ZIC5: variants seen among roughly 807,000 people sequenced by gnomAD.
The protein encoded by ZIC5 is zinc finger protein ZIC 5.
ZIC5 carries 20 observed loss-of-function variants against 28.5 expected under a neutral mutation model. The ratio of observed to expected loss-of-function variants is 0.70; its 90% confidence interval spans 0.49 to 1.02. The LOEUF (loss-of-function observed/expected upper bound fraction) is 1.02, where lower values mean the gene tolerates loss of function less well. Among genes scored for constraint, ZIC5 ranks in the 50% least tolerant of loss-of-function variants. ZIC5 has a pLI of 0.00. For synonymous variants in ZIC5, 488 were observed against 410.4 expected (o/e 1.19, Z -2.29); for missense variants, 951 against 899.7 (o/e 1.06, Z -0.73).
chr13:99,970,327 A>C lies in ZIC5; in HGVS notation c.1277T>G (p.Val426Gly), dbSNP rs758898757. 1 of 1,610,808 alleles carries C rather than the reference A, an allele frequency of 6.2e-7. No homozygotes were observed. Among genetic ancestry groups the C allele is most frequent in the Non-Finnish European group, 8.5e-7 (1 of 1,178,878 alleles). ...GTGGCTGCTCTGCTCGGGGCCTCCC[A>C]CGTGCTCCACCGTGACGTGATTCAC... ...ELVNHVTVEHVGGPEQSSHVC... is the reference protein window; with the variant it reads ...ELVNHVTVEHGGGPEQSSHVC... Residue 426 changes from valine to glycine, a missense_variant, in exon 1 of 2, where the codon GTG (valine) becomes GGG (glycine). Val to Gly is a moderately radical substitution (Grantham distance 109). Coordinates refer to ENST00000267294, the MANE Select transcript of ZIC5 (RefSeq NM_033132.5).
At position 99,971,266 on chromosome 13, in the gene ZIC5, G is replaced by T. The variant is rs2053156136; in HGVS notation, c.338C>A (p.Pro113His). The change falls in exon 1 of 2, where the codon CCC becomes CAC. Residue 113 changes from proline (P) to histidine (H), a missense_variant. Transcript: ENST00000267294. ...LVAHPGAGSY[P>H]CGGGSSGAQP... The stretch of plus-strand genomic sequence containing the variant: ...CGCGCCACTGCTGCCCCCGCCGCAG[G>T]GGTAGCTGCCCGCGCCGGGGTGCGC... 4 of 1,339,816 alleles carry T rather than the reference G, an allele frequency of 3.0e-6. No individual in the cohort carries two copies. Among genetic ancestry groups the T allele is most frequent in the Non-Finnish European group, 3.8e-6 (4 of 1,054,438 alleles). The allele number at this position is 1,339,816 out of a possible 1,614,324, so 83.0% of individuals were successfully genotyped here. A position where few individuals can be genotyped will look rare whatever the true frequency, so the allele number is the denominator to read the frequency against.
Position 99,970,649 on chromosome 13 carries a change from C to T in ZIC5, c.955G>A (p.Ala319Thr), listed in dbSNP as rs752692151. ...NLNLAAAAAA[A>T]AAGPGPHLQH... ...AGGTGGGGCCCGGGCCCGGCCGCTG[C>T]TGCGGCCGCCGCAGCCGCCAGGTTC... The change falls in exon 1 of 2, where the codon GCA becomes ACA. Residue 319 changes from alanine (A) to threonine (T), a missense_variant. By Grantham distance (58) the Ala-to-Thr change is moderately conservative. Around this residue, in one of 3 missense-constraint regions of ZIC5, gnomAD observed 784 missense variants for 660.1 expected, o/e 1.19. Coordinates refer to ENST00000267294, the MANE Select transcript of ZIC5 (RefSeq NM_033132.5). The T allele has an allele frequency of 1.8e-5, 21 of 1,139,094 alleles. No homozygotes were observed. Among genetic ancestry groups the T allele is most frequent in the Middle Eastern group, 3.9e-4 (1 of 2,548 alleles). 70.6% of individuals were successfully genotyped at this position (1,139,094 alleles called of 1,614,324 possible). A position where few individuals can be genotyped will look rare whatever the true frequency, so the allele number is the denominator to read the frequency against.
At chr13:99,968,467 C>T (rs1368597408) in intron 1 of ZIC5, among the ~76,000 whole-genome samples, 1 of 152,118 alleles carries the variant, frequency 6.6e-6, no homozygotes, top group Admixed American at 6.5e-5. Context: ...GCGCGTGCCC[C>T]GGGAAGCCAC....
At chr13:99,968,960 C>T (rs982906115) in intron 1 of ZIC5, among the ~76,000 whole-genome samples, 1 of 152,250 alleles carries the variant, frequency 6.6e-6, no homozygotes, top group Non-Finnish European at 1.5e-5. Context: ...CGGCGGCTAC[C>T]TCCTGGCCGC....
chr13:99,970,809 C>T lies in ZIC5; in HGVS notation c.795G>A (p.Ala265=), dbSNP rs1028897952. The T allele has an allele frequency of 1.5e-5, 18 of 1,206,894 alleles. No individual in the cohort carries two copies. In the South Asian group the frequency reaches 1.8e-4, roughly 12 times the overall value. 74.8% of individuals were successfully genotyped at this position (1,206,894 alleles called of 1,614,324 possible). ...GQMRLGLAAA[A]AAAAAELYGR... ...CGTACAGCTCAGCCGCCGCGGCTGCCGCTGCCGCCGCCAGCCCCAGGCGCA... is the reference window on the plus strand; with the variant it reads ...CGTACAGCTCAGCCGCCGCGGCTGCTGCTGCCGCCGCCAGCCCCAGGCGCA... The change falls in exon 1 of 2, where the codon GCG becomes GCA. Residue 265 remains alanine, a synonymous_variant. Coordinates refer to ENST00000267294, the MANE Select transcript of ZIC5 (RefSeq NM_033132.5).
chr13:99,970,467 G>C lies in ZIC5; in HGVS notation c.1137C>G (p.Pro379=), dbSNP rs747982491. 2.4e-5 allele frequency: 26 copies of C among 1,103,894 alleles called. No homozygotes were observed. The African/African-American group carries it at 2.9e-4, about 12-fold the overall frequency. The allele number at this position is 1,103,894 out of a possible 1,614,324, so 68.4% of individuals were successfully genotyped here. A position where few individuals can be genotyped will look rare whatever the true frequency, so the allele number is the denominator to read the frequency against. Residue 379 remains proline, a synonymous_variant, in exon 1 of 2, where the codon CCC becomes CCG. Transcript: ENST00000267294. ...KQELICKWID[P]DELAGLPPPP... ...GCGGCGGCAGCCCGGCCAGCTCGTC[G>C]GGGTCGATCCACTTGCAGATGAGCT...
rs2053155709 is a variant in ZIC5 at position 99,971,244 on chromosome 13, G to A, written c.360C>T (p.Gly120=). The change falls in exon 1 of 2, where the codon GGC becomes GGT. Residue 120 remains glycine (G), a synonymous_variant. Coordinates refer to ENST00000267294, the MANE Select transcript of ZIC5 (RefSeq NM_033132.5). The part of the protein sequence containing the change: ...GSYPCGGGSS[G]AQPSAPPPPA... ...GGGGCGGGGGCGCGGAGGGCTGCGC[G>A]CCACTGCTGCCCCCGCCGCAGGGGT... 3 of 1,315,628 alleles carry A rather than the reference G, an allele frequency of 2.3e-6. No individual in the cohort carries two copies. The highest frequency in any genetic ancestry group is 2.9e-6 in the Non-Finnish European group (3 of 1,040,518). The allele number at this position is 1,315,628 out of a possible 1,614,324, so 81.5% of individuals were successfully genotyped here. A position where few individuals can be genotyped will look rare whatever the true frequency, so the allele number is the denominator to read the frequency against.
chr13:99,968,070 G>A (rs919667458), intron 1 of ZIC5, among the ~76,000 whole-genome samples: 1 of 152,232 alleles, frequency 6.6e-6, no homozygotes, highest in Non-Finnish European at 1.5e-5. Flanking sequence ...GGGACTGGGG[G>A]CACGTGGGTC....
intron 1 of ZIC5, among the ~76,000 whole-genome samples, chr13:99,968,859 C>G (rs1031133043): frequency 6.6e-6 from 1 of 152,104 alleles, no homozygotes; most frequent in Non-Finnish European, 1.5e-5. Context: ...TCAGGCGGCC[C>G]GCAGGAGCCA....
At position 99,970,603 on chromosome 13, in the gene ZIC5, G is replaced by C. The variant is rs985978093; in HGVS notation, c.1001C>G (p.Pro334Arg). Residue 334 changes from proline to arginine, a missense_variant, in exon 1 of 2, where the codon CCG (proline) becomes CGG (arginine). Transcript: ENST00000267294. ...GPHLQHHAPPPAPPPPPAPAQ... is the reference protein window; with the variant it reads ...GPHLQHHAPPRAPPPPPAPAQ... ...GGGCGCCGGCGGCGGCGGCGGCGCC[G>C]GGGGCGGCGCGTGGTGCTGCAGGTG... The C allele has an allele frequency of 5.0e-6, 5 of 1,003,296 alleles. No individual in the cohort carries two copies. In the African/African-American group the frequency reaches 7.0e-5, roughly 14 times the overall value. The allele number at this position is 1,003,296 out of a possible 1,614,324, so 62.1% of individuals were successfully genotyped here.
Position 99,970,603 on chromosome 13 carries a change from G to A in ZIC5, c.1001C>T (p.Pro334Leu). 2 of 1,003,404 alleles carry A rather than the reference G, an allele frequency of 2.0e-6. No individual in the cohort carries two copies. The highest frequency in any genetic ancestry group is 2.4e-6 in the Non-Finnish European group (2 of 845,150). The allele number at this position is 1,003,404 out of a possible 1,614,324, so 62.2% of individuals were successfully genotyped here. Reference sequence around the variant, plus strand: ...GGGCGCCGGCGGCGGCGGCGGCGCCGGGGGCGGCGCGTGGTGCTGCAGGTG... The same window carrying A: ...GGGCGCCGGCGGCGGCGGCGGCGCCAGGGGCGGCGCGTGGTGCTGCAGGTG... The part of the protein sequence containing the change: ...GPHLQHHAPP[P>L]APPPPPAPAQ... The change falls in exon 1 of 2, where the codon CCG becomes CTG. Residue 334 changes from proline to leucine, a missense_variant. Coordinates refer to ENST00000267294, the MANE Select transcript of ZIC5 (RefSeq NM_033132.5).
Position 99,970,753 on chromosome 13 carries a change from G to T in ZIC5, c.851C>A (p.Ser284Tyr). 8.4e-7 allele frequency: 1 copy of T among 1,184,440 alleles called. No homozygotes were observed. The highest frequency in any genetic ancestry group is 2.9e-5 in the South Asian group (1 of 34,126). The allele number at this position is 1,184,440 out of a possible 1,614,324, so 73.4% of individuals were successfully genotyped here. Residue 284 changes from serine to tyrosine, a missense_variant, in exon 1 of 2, where the codon TCT (serine) becomes TAT (tyrosine). This residue lies in a region of ZIC5 where 784 missense variants were observed against 660.1 expected (regional missense o/e 1.19). Transcript: ENST00000267294. ...GRAEPPFAPR[S>Y]GDAHYGAVAA... ...AACCGCCCCGTAGTGCGCGTCCCCAGAGCGCGGCGCGAAGGGCGGTTCGGC... is the reference window on the plus strand; with the variant it reads ...AACCGCCCCGTAGTGCGCGTCCCCATAGCGCGGCGCGAAGGGCGGTTCGGC...
chr13:99,971,664 C>T lies in ZIC5; in HGVS notation c.-61G>A. ...GGGGGACTTTATTCCCTCTGCCCGC[C>T]TTCAAAAACATGTATGTATTGGGCG... On this transcript the variant is annotated 5_prime_UTR_variant, in exon 1 of 2. Coordinates refer to ENST00000267294, the MANE Select transcript of ZIC5 (RefSeq NM_033132.5). 6.4e-7 allele frequency: 1 copy of T among 1,556,792 alleles called. No homozygotes were observed. Among genetic ancestry groups the T allele is most frequent in the Non-Finnish European group, 8.7e-7 (1 of 1,149,264 alleles).
intron 1 of ZIC5, 92 bp downstream of exon 1, chr13:99,970,035 G>C (rs1355655572): frequency 6.4e-7 from 1 of 1,573,864 alleles, no homozygotes; most frequent in Non-Finnish European, 8.6e-7. Context: ...AAATTAAGGC[G>C]AGCAGGAGGA....
At position 99,965,427 on chromosome 13, in the gene ZIC5, C is replaced by T. The variant is rs371180280; in HGVS notation, c.1870G>A (p.Glu624Lys). Residue 624 changes from glutamate to lysine, a missense_variant, in exon 2 of 2, where the codon GAA (glutamate) becomes AAA (lysine). Physicochemically the swap from Glu to Lys is moderately conservative, Grantham distance 56 (BLOSUM62 1). Around this residue, in one of 3 missense-constraint regions of ZIC5, gnomAD observed 108 missense variants for 118.4 expected, o/e 0.91. Transcript: ENST00000267294. ...GGGTTCCCGTAAATTTCCTCATCTT[C>T]AGTCTCAGAGGTGGTTCCGTTGCTG... ...PSSNGTTSET[E>K]DEEIYGNPEV... is the part of the protein sequence containing the mutation. 3.7e-6 allele frequency: 6 copies of T among 1,613,988 alleles called. No individual in the cohort carries two copies. The highest frequency in any genetic ancestry group is 1.1e-5 in the South Asian group (1 of 91,080).
chr13:99,966,521 C>G (rs144858034), intron 1 of ZIC5, among the ~76,000 whole-genome samples: 195 of 152,316 alleles, frequency 1.3e-3, no homozygotes, highest in African/African-American at 4.5e-3. Flanking sequence ...CTGTTGACCT[C>G]TGCATTCTAC....
At position 99,964,045 on chromosome 13, in the gene ZIC5, T is replaced by A. The variant is rs938631502; in HGVS notation, c.*1332A>T. ...GAGTTATTGTCCTAGGTCCTTGACCTTTTTTATCCTAGCTTGACAGCTCTG... is the reference window on the plus strand; with the variant it reads ...GAGTTATTGTCCTAGGTCCTTGACCATTTTTATCCTAGCTTGACAGCTCTG... On this transcript the variant is annotated 3_prime_UTR_variant, in exon 2 of 2. Coordinates refer to ENST00000267294, the MANE Select transcript of ZIC5 (RefSeq NM_033132.5). 2.6e-5 allele frequency: 4 copies of A among 152,552 alleles called. No homozygotes were observed. The highest frequency in any genetic ancestry group is 1.9e-4 in the East Asian group (1 of 5,208). The allele number at this position is 152,552 out of a possible 1,614,324, so 9.4% of individuals were successfully genotyped here. A position where few individuals can be genotyped will look rare whatever the true frequency, so the allele number is the denominator to read the frequency against.
Position 99,971,653 on chromosome 13 carries a change from C to A in ZIC5, c.-50G>T. The A allele has an allele frequency of 6.4e-7, 1 of 1,558,294 alleles. No homozygotes were observed. ...GACCCTCACTGGGGGGACTTTATTCCCTCTGCCCGCCTTCAAAAACATGTA... is the reference window on the plus strand; with the variant it reads ...GACCCTCACTGGGGGGACTTTATTCACTCTGCCCGCCTTCAAAAACATGTA... On this transcript the variant is annotated 5_prime_UTR_variant, in exon 1 of 2. Coordinates refer to ENST00000267294, the MANE Select transcript of ZIC5 (RefSeq NM_033132.5).
rs1414838682 is a variant in ZIC5 at position 99,971,656 on chromosome 13, C to T, written c.-53G>A. On this transcript the variant is annotated 5_prime_UTR_variant, in exon 1 of 2. Transcript: ENST00000267294. ...CCTCACTGGGGGGACTTTATTCCCTCTGCCCGCCTTCAAAAACATGTATGT... is the reference window on the plus strand; with the variant it reads ...CCTCACTGGGGGGACTTTATTCCCTTTGCCCGCCTTCAAAAACATGTATGT... 5 of 1,558,250 alleles carry T rather than the reference C, an allele frequency of 3.2e-6. No homozygotes were observed. The South Asian group carries it at 3.5e-5, about 11-fold the overall frequency.
Sources: gnomAD v4.1 joint callset for allele counts (sites outside exome capture counted in the v4.1 genomes callset) on GRCh38, gnomAD v4.1.1 for gene constraint, gnomAD v4.1.1 regional missense constraint, MANE v1.5 for transcripts, NCBI Gene and HGNC (gene_info 2026-07-23, HGNC 2026-07-21) for gene names.